Variants in MAP1LC3B observed in about 807,000 individuals in gnomAD.
The protein encoded by MAP1LC3B is microtubule associated protein 1 light chain 3 beta, also known as microtubule-associated protein 1 light chain 3 beta.
MAP1LC3B carries 12 observed loss-of-function variants against 16.7 expected under a neutral mutation model. The ratio of observed to expected loss-of-function variants is 0.72; its 90% CI spans 0.46 to 1.16. The LOEUF (loss-of-function observed/expected upper bound fraction) is 1.16, where lower values mean the gene tolerates loss of function less well. MAP1LC3B is among the 50% of genes most tolerant of loss of function. The pLI, the probability that MAP1LC3B is intolerant of heterozygous loss-of-function variation, is 0.00. For missense variants in MAP1LC3B, 155 were observed against 159.5 expected, an observed-to-expected ratio of 0.97 and a Z score of 0.15; for synonymous variants, 63 against 56.5, an observed-to-expected ratio of 1.11 and a Z score of -0.51.
At chr16:87,400,179 AT>A (rs113551235) in intron 2 of MAP1LC3B, 68,444 of 124,518 alleles carry the variant, frequency 0.55, 20,343 homozygotes, top group Non-Finnish European at 0.7. Context: ...TGTGTATAAA[AT>A]TTTTTTTTTT....
chr16:87,399,415 C>T lies in MAP1LC3B; in HGVS notation c.96+545C>T, dbSNP rs183301868. On this transcript the variant is annotated intron_variant, in intron 2 of 3. Coordinates refer to ENST00000268607, the MANE Select transcript of MAP1LC3B (RefSeq NM_022818.5). The stretch of plus-strand genomic sequence containing the variant: ...TCCTTGTGGATATCACACTTCAGAA[C>T]GTGTCCGCTAGATAAAGCTCTCAAA... 1.3e-4 allele frequency: 42 copies of T among 314,924 alleles called. 1 individual carries two copies. The highest frequency in any genetic ancestry group is 5.6e-4 in the South Asian group (22 of 39,158). 19.5% of individuals were successfully genotyped at this position (314,924 alleles called of 1,614,324 possible). A position where few individuals can be genotyped will look rare whatever the true frequency, so the allele number is the denominator to read the frequency against.
At chr16:87,401,366 T>G (rs1489746959) in intron 2 of MAP1LC3B, among the ~76,000 whole-genome samples, 1 of 152,152 alleles carries the variant, frequency 6.6e-6, no homozygotes, top group Admixed American at 6.5e-5. Context: ...GCAGACATAT[T>G]GTCTCTCTTG....
At chr16:87,400,714 T>C (rs1021407543) in intron 2 of MAP1LC3B, among the ~76,000 whole-genome samples, 2 of 152,056 alleles carry the variant, frequency 1.3e-5, no homozygotes, top group Non-Finnish European at 2.9e-5. Flanking sequence ...CTTTTTTTTT[T>C]TTTTTAATGG....
Position 87,403,141 on chromosome 16 carries a change from C to G in MAP1LC3B, c.*44C>G. On this transcript the variant is annotated 3_prime_UTR_variant, in exon 4 of 4. Transcript: ENST00000268607. ...TCTTCTAGAATTGTTTAAACCCTTACCAAGGAAAAAAAAGGGATGTTACCA... is the reference window on the plus strand; with the variant it reads ...TCTTCTAGAATTGTTTAAACCCTTAGCAAGGAAAAAAAAGGGATGTTACCA... 3.2e-6 allele frequency: 5 copies of G among 1,558,184 alleles called. No individual in the cohort carries two copies. In the South Asian group the frequency reaches 6.2e-5, roughly 19 times the overall value.
chr16:87,396,815 G>C (rs1907823733), intron 1 of MAP1LC3B: 1 of 152,090 alleles, frequency 6.6e-6, no homozygotes, highest in East Asian at 1.9e-4. Context: ...AGCGAAATTT[G>C]TCATTATTAT....
intron 2 of MAP1LC3B, among the ~76,000 whole-genome samples, chr16:87,400,657 A>T (rs1907959635): frequency 1.3e-5 from 2 of 151,186 alleles, no homozygotes; most frequent in South Asian, 4.2e-4. Flanking sequence ...CATTGAGCAT[A>T]TTACTATAAT....
chr16:87,396,521 T>G (rs538982548), intron 1 of MAP1LC3B, among the ~76,000 whole-genome samples: 1 of 152,232 alleles, frequency 6.6e-6, no homozygotes, highest in East Asian at 1.9e-4. Context: ...CGTTTCTACT[T>G]TTAGATTTAT....
intron 3 of MAP1LC3B, chr16:87,402,713 T>G: frequency 1.5e-6 from 1 of 649,388 alleles, no homozygotes. Flanking sequence ...GTATACTAGT[T>G]TAAAATCAGC....
At chr16:87,395,463 G>C (rs770347089) in intron 1 of MAP1LC3B, among the ~76,000 whole-genome samples, 11 of 152,226 alleles carry the variant, frequency 7.2e-5, no homozygotes, top group African/African-American at 2.7e-4. Flanking sequence ...AGGAAACAGG[G>C]AGTAAAAGAC....
intron 2 of MAP1LC3B, among the ~76,000 whole-genome samples, chr16:87,400,484 T>C (rs1907953582): frequency 6.6e-6 from 1 of 152,030 alleles, no homozygotes; most frequent in South Asian, 2.1e-4. Context: ...TGGCCTCAAA[T>C]ATTTGTATTT....
intron 1 of MAP1LC3B, chr16:87,393,334 C>T (rs1388258789): frequency 6.6e-6 from 1 of 152,214 alleles, no homozygotes; most frequent in Non-Finnish European, 1.5e-5. Flanking sequence ...CTGTTGTTGC[C>T]TAAGTTCCAG....
intron 1 of MAP1LC3B, chr16:87,397,089 G>C (rs573151278): frequency 6.6e-6 from 1 of 152,052 alleles, no homozygotes; most frequent in Non-Finnish European, 1.5e-5. Flanking sequence ...GCCTCCCAAA[G>C]TGCTGGGGTT....
At chr16:87,394,162 C>T (rs556096357) in intron 1 of MAP1LC3B, among the ~76,000 whole-genome samples, 3 of 152,080 alleles carry the variant, frequency 2.0e-5, no homozygotes, top group South Asian at 2.1e-4. Flanking sequence ...GGTTTTTTCC[C>T]TTGGCTCACC....
At chr16:87,401,150 A>C (rs1053489679) in intron 2 of MAP1LC3B, among the ~76,000 whole-genome samples, 10 of 151,932 alleles carry the variant, frequency 6.6e-5, no homozygotes, top group African/African-American at 1.7e-4. Context: ...AAAAAAAAAA[A>C]AAAAAACTTC....
intron 2 of MAP1LC3B, among the ~76,000 whole-genome samples, chr16:87,400,898 G>A (rs1907968475): frequency 6.6e-6 from 1 of 152,124 alleles, no homozygotes; most frequent in Middle Eastern, 3.4e-3. Context: ...ACTTTGGAAG[G>A]CCGAGGCGGG....
chr16:87,398,976 A>G, intron 2 of MAP1LC3B, 106 bp downstream of exon 2: 1 of 935,248 alleles, frequency 1.1e-6, no homozygotes, highest in Non-Finnish European at 1.7e-6. Flanking sequence ...AGACAGCCAA[A>G]CCCTGGGTGT....
In MAP1LC3B at chr16:87,392,359, A is replaced by T; in HGVS notation, c.-69A>T. On this transcript the variant is annotated 5_prime_UTR_variant, in exon 1 of 4. Transcript: ENST00000268607. ...CCAGAGTCGGATTCGCCGCCGCAGCAGCCGCCGCCCCCGGGAGCCGCCGGG... is the reference window on the plus strand; with the variant it reads ...CCAGAGTCGGATTCGCCGCCGCAGCTGCCGCCGCCCCCGGGAGCCGCCGGG... The T allele has an allele frequency of 7.4e-7, 1 of 1,355,142 alleles. No homozygotes were observed. Among genetic ancestry groups the T allele is most frequent in the Non-Finnish European group, 9.5e-7 (1 of 1,056,646 alleles). The allele number at this position is 1,355,142 out of a possible 1,614,324, so 83.9% of individuals were successfully genotyped here. A position where few individuals can be genotyped will look rare whatever the true frequency, so the allele number is the denominator to read the frequency against.
At chr16:87,401,241 C>A (rs1302260038) in intron 2 of MAP1LC3B, among the ~76,000 whole-genome samples, 1 of 151,856 alleles carries the variant, frequency 6.6e-6, no homozygotes, top group Non-Finnish European at 1.5e-5. Context: ...AGCCTCTCTG[C>A]CTCGGTAAGG....
At chr16:87,392,965 G>C (rs1353872838) in intron 1 of MAP1LC3B, 2 of 152,316 alleles carry the variant, frequency 1.3e-5, no homozygotes. Context: ...TTCCCGTCGA[G>C]GGAGCCCGCC....
Sources: allele counts gnomAD v4.1 joint callset (sites outside exome capture counted in the v4.1 genomes callset), GRCh38; gene constraint gnomAD v4.1.1; transcripts MANE v1.5; gene names NCBI Gene and HGNC (gene_info 2026-07-23, HGNC 2026-07-21).